Variants in JAKMIP2 observed in about 807,000 individuals in gnomAD.
JAKMIP2 encodes janus kinase and microtubule interacting protein 2.
A neutral mutation model predicts 115.0 loss-of-function variants in JAKMIP2; 25 were observed. The ratio of observed to expected loss-of-function variants is 0.22; its 90% CI spans 0.16 to 0.30. JAKMIP2 has a LOEUF of 0.30. Among genes scored for constraint, JAKMIP2 ranks in the 10% least tolerant of loss-of-function variants. The pLI, the probability that JAKMIP2 is intolerant of heterozygous loss-of-function variation, is 1.00. For missense variants in JAKMIP2, 642 were observed against 957.6 expected (o/e 0.67, Z 4.35); for synonymous variants, 334 against 343.6 (o/e 0.97, Z 0.31).
chr5:147,775,551 C>A (rs1339250103), intron 1 of JAKMIP2, among the ~76,000 whole-genome samples: 2 of 152,114 alleles, frequency 1.3e-5, no homozygotes, highest in African/African-American at 4.8e-5. Flanking sequence ...ATCTTTCTTA[C>A]TTATATTGTA....
intron 1 of JAKMIP2, among the ~76,000 whole-genome samples, chr5:147,777,071 G>C (rs1032446136): frequency 1.5e-4 from 23 of 152,320 alleles, no homozygotes; most frequent in African/African-American, 5.1e-4. Context: ...TGCACCTGGT[G>C]AAACTCCTAG....
At chr5:147,610,163 T>C (rs1448788669) in intron 20 of JAKMIP2, among the ~76,000 whole-genome samples, 1 of 152,194 alleles carries the variant, frequency 6.6e-6, no homozygotes, top group Non-Finnish European at 1.5e-5. Flanking sequence ...ATTACCCACC[T>C]TCTGAAGCCT....
intron 1 of JAKMIP2, among the ~76,000 whole-genome samples, chr5:147,714,134 G>A (rs1752879932): frequency 1.3e-5 from 2 of 152,108 alleles, no homozygotes; most frequent in African/African-American, 4.8e-5. Flanking sequence ...GTAAGAACCA[G>A]CAGAACCAAA....
At chr5:147,735,020 C>A (rs543190097) in intron 1 of JAKMIP2, among the ~76,000 whole-genome samples, 99 of 152,204 alleles carry the variant, frequency 6.5e-4, no homozygotes, top group African/African-American at 2.3e-3. Flanking sequence ...TGCAAGAATG[C>A]AAACAGAGGG....
chr5:147,645,314 T>C (rs1241328435), intron 5 of JAKMIP2, among the ~76,000 whole-genome samples: 2 of 152,140 alleles, frequency 1.3e-5, no homozygotes, highest in Non-Finnish European at 2.9e-5. Flanking sequence ...CCCGACTTGT[T>C]ACTCCACCGT....
chr5:147,728,969 T>A (rs910367631), intron 1 of JAKMIP2, among the ~76,000 whole-genome samples: 2 of 152,226 alleles, frequency 1.3e-5, no homozygotes, highest in African/African-American at 4.8e-5. Flanking sequence ...ACCTGGTACA[T>A]AATTAGAATC....
intron 1 of JAKMIP2, among the ~76,000 whole-genome samples, chr5:147,697,553 A>C (rs1482651454): frequency 6.6e-6 from 1 of 152,192 alleles, no homozygotes; most frequent in Non-Finnish European, 1.5e-5. Context: ...GAAGGAAAAA[A>C]TGGTTACATA....
intron 1 of JAKMIP2, among the ~76,000 whole-genome samples, chr5:147,736,338 G>A (rs1753922263): frequency 6.6e-6 from 1 of 151,866 alleles, no homozygotes; most frequent in Admixed American, 6.6e-5. Flanking sequence ...GCACACATCT[G>A]TAGTCCCAGC....
At chr5:147,714,697 C>T (rs892687985) in intron 1 of JAKMIP2, among the ~76,000 whole-genome samples, 10 of 152,054 alleles carry the variant, frequency 6.6e-5, no homozygotes, top group Non-Finnish European at 7.4e-5. Flanking sequence ...AGATGACTGG[C>T]CTATAAAAAG....
At position 147,597,993 on chromosome 5, in the gene JAKMIP2, CTT is replaced by C. The variant is rs56665577; in HGVS notation, c.*20+3746_*20+3747del. Among the ~76,000 whole-genome samples the C allele has an allele frequency of 9.3e-3, 1,358 of 146,654 alleles. 49 individuals are homozygous for C. In the East Asian group the frequency reaches 0.13, roughly 14 times the overall value. On this transcript the variant is annotated intron_variant, in intron 21 of 21. Transcript: ENST00000616793. The stretch of plus-strand genomic sequence containing the variant: ...CCTTGGTTCTTGGGTCTTCTTATTC[CTT>C]TTTTTTTTTTCTTTATTTTTTGAGA...
chr5:147,664,872 C>A (rs1039698061), intron 2 of JAKMIP2, among the ~76,000 whole-genome samples: 1 of 152,088 alleles, frequency 6.6e-6, no homozygotes, highest in Non-Finnish European at 1.5e-5. Context: ...ATCTCTCTGG[C>A]TAGGCCCCTA....
chr5:147,631,299 T>C (rs568980941), intron 14 of JAKMIP2, 114 bp downstream of exon 14: 9 of 605,950 alleles, frequency 1.5e-5, no homozygotes, highest in Non-Finnish European at 2.6e-5. Context: ...ATAGTTTGTA[T>C]CAAAATGATG....
chr5:147,737,409 A>G (rs1753967066), intron 1 of JAKMIP2, among the ~76,000 whole-genome samples: 1 of 152,304 alleles, frequency 6.6e-6, no homozygotes, highest in East Asian at 1.9e-4. Context: ...TTCCTCAACC[A>G]AAATGGTGAT....
At chr5:147,757,207 A>G (rs1754773361) in intron 1 of JAKMIP2, among the ~76,000 whole-genome samples, 2 of 152,090 alleles carry the variant, frequency 1.3e-5, no homozygotes, top group African/African-American at 4.8e-5. Flanking sequence ...AAAATAACCC[A>G]AAGGATAGAG....
intron 1 of JAKMIP2, among the ~76,000 whole-genome samples, chr5:147,776,529 T>C (rs531005685): frequency 6.6e-6 from 1 of 152,316 alleles, no homozygotes; most frequent in South Asian, 2.1e-4. Flanking sequence ...CGGTCTTGGG[T>C]ATGTCCTTAT....
intron 1 of JAKMIP2, among the ~76,000 whole-genome samples, chr5:147,702,579 G>GAAAGAAAGAAGGAAA (rs1561547232): frequency 3.7e-5 from 3 of 80,610 alleles, no homozygotes; most frequent in East Asian, 3.2e-4. Context: ...AAAGAAAGAA[G>GAAAGAAAGAAGGAAA]GAAAGAAAGA....
rs75218619 is a variant in JAKMIP2 at position 147,757,614 on chromosome 5, A to T, written c.-149+24842T>A. 4.3e-3 allele frequency among the ~76,000 whole-genome samples: 647 copies of T among 152,128 alleles called. 4 individuals are homozygous for T. The highest frequency in any genetic ancestry group is 0.015 in the African/African-American group (625 of 41,514). Reference sequence around the variant, plus strand: ...GGACCCTAGTTTCCTTATTTCTGAAAGGAGTGATCATAATGATATGTAGAA... The same window carrying T: ...GGACCCTAGTTTCCTTATTTCTGAATGGAGTGATCATAATGATATGTAGAA... On this transcript the variant is annotated intron_variant, in intron 1 of 21. Coordinates refer to ENST00000616793, the MANE Select transcript of JAKMIP2 (RefSeq NM_001270941.2).
intron 1 of JAKMIP2, among the ~76,000 whole-genome samples, chr5:147,780,435 T>C (rs1205678548): frequency 6.6e-6 from 1 of 152,214 alleles, no homozygotes; most frequent in Non-Finnish European, 1.5e-5. Context: ...GGTCAACTAG[T>C]ACAAATCTTA....
chr5:147,600,295 AT>A (rs1417031893), intron 21 of JAKMIP2, among the ~76,000 whole-genome samples: 2 of 152,040 alleles, frequency 1.3e-5, no homozygotes, highest in African/African-American at 4.8e-5. Context: ...AAAAGAAAAT[AT>A]TTTGGAAGAA....
Sources: allele counts gnomAD v4.1 joint callset (sites outside exome capture counted in the v4.1 genomes callset), GRCh38; gene constraint gnomAD v4.1.1; transcripts MANE v1.5; gene names NCBI Gene and HGNC (gene_info 2026-07-23, HGNC 2026-07-21).